GPD2: variants seen among roughly 807,000 people sequenced by gnomAD.
GPD2 encodes glycerol-3-phosphate dehydrogenase, mitochondrial.
GPD2 carries 54 observed loss-of-function variants against 82.4 expected under a neutral mutation model. The ratio of observed to expected loss-of-function variants is 0.66; its 90% CI spans 0.53 to 0.82. The LOEUF is 0.82. GPD2 is among the 40% of genes least tolerant of loss of function. GPD2 has a pLI of 0.00. For missense variants in GPD2, 748 were observed against 896.2 expected, an observed-to-expected ratio of 0.83 and a Z score of 2.11; for synonymous variants, 288 against 306.1, an observed-to-expected ratio of 0.94 and a Z score of 0.62.
chr2:156,511,494 AAC>A, intron 4 of GPD2, among the ~76,000 whole-genome samples: 1 of 152,328 alleles, frequency 6.6e-6, no homozygotes, highest in South Asian at 2.1e-4. Context: ...GTACATGAAA[AAC>A]ACAGTGGCAC....
At chr2:156,422,639 A>T in the GPD2 span, among the ~76,000 whole-genome samples, 1 of 152,020 alleles carries the variant, frequency 6.6e-6, no homozygotes, top group South Asian at 2.1e-4. Flanking sequence ...CTGAGGCAGG[A>T]GAATCCCACT....
At chr2:156,452,225 C>T (rs187617665) in intron 1 of GPD2, among the ~76,000 whole-genome samples, 2 of 152,318 alleles carry the variant, frequency 1.3e-5, no homozygotes, top group Admixed American at 6.5e-5. Flanking sequence ...GAGGTTGTAG[C>T]GAGCCGAGAT....
At chr2:156,502,862 A>AT (rs5835616) in intron 3 of GPD2, among the ~76,000 whole-genome samples, 103,392 of 151,506 alleles carry the variant, frequency 0.68, 35,442 homozygotes, top group Middle Eastern at 0.81. Flanking sequence ...ATCCATTTAC[A>AT]TTTTTTTTAT....
intron 4 of GPD2, 31 bp downstream of exon 4, chr2:156,510,951 A>C: frequency 6.2e-7 from 1 of 1,606,198 alleles, no homozygotes; most frequent in Non-Finnish European, 8.5e-7. Context: ...TTAAACAAAA[A>C]TTGCAACTGT....
intron 12 of GPD2, 98 bp from the exon 13 acceptor site, chr2:156,571,036 C>T: frequency 1.2e-6 from 1 of 865,232 alleles, no homozygotes; most frequent in Non-Finnish European, 2.0e-6. Context: ...AAAATATTAC[C>T]TTTGTGAAGC....
chr2:156,469,834 A>C (rs1297066838), intron 1 of GPD2, among the ~76,000 whole-genome samples: 1 of 152,230 alleles, frequency 6.6e-6, no homozygotes, highest in Non-Finnish European at 1.5e-5. Flanking sequence ...TAGAAAGGTA[A>C]TTGAGGTTTC....
chr2:156,553,856 T>G (rs1276697067), intron 8 of GPD2, among the ~76,000 whole-genome samples: 1 of 152,222 alleles, frequency 6.6e-6, no homozygotes, highest in Non-Finnish European at 1.5e-5. Flanking sequence ...AAATTCAGCA[T>G]TAGCTTTAGG....
intron 3 of GPD2, among the ~76,000 whole-genome samples, chr2:156,502,341 G>C (rs534558786): frequency 1.2e-3 from 181 of 152,258 alleles, no homozygotes; most frequent in African/African-American, 4.2e-3. Context: ...CATGGCAAAA[G>C]ATGTAAAAGC....
intron 9 of GPD2, among the ~76,000 whole-genome samples, chr2:156,566,857 C>T (rs1687411135): frequency 6.6e-6 from 1 of 152,028 alleles, no homozygotes; most frequent in African/African-American, 2.4e-5. Context: ...ACATCTTCAC[C>T]AGTATTTGTT....
chr2:156,430,844 A>G (rs149047268), upstream of GPD2, among the ~76,000 whole-genome samples: 32 of 152,362 alleles, frequency 2.1e-4, no homozygotes, highest in Non-Finnish European at 4.0e-4. Flanking sequence ...CATCACTGGA[A>G]AGTACCCACA....
intron 2 of GPD2, among the ~76,000 whole-genome samples, chr2:156,480,798 A>G (rs557149019): frequency 6.3e-4 from 89 of 142,132 alleles, no homozygotes; most frequent in African/African-American, 2.2e-3. Context: ...TTTTCCTGAG[A>G]TGGAGTTTCA....
chr2:156,523,344 A>T (rs1343075327), intron 6 of GPD2, among the ~76,000 whole-genome samples: 1 of 152,180 alleles, frequency 6.6e-6, no homozygotes, highest in Middle Eastern at 3.2e-3. Flanking sequence ...ATCCTACAGT[A>T]TGTCAGCTAC....
At chr2:156,563,729 G>T (rs1687259126) in intron 9 of GPD2, among the ~76,000 whole-genome samples, 1 of 152,136 alleles carries the variant, frequency 6.6e-6, no homozygotes, top group African/African-American at 2.4e-5. Context: ...CTCCGTTGGA[G>T]ATGTAGGCAA....
In GPD2 at chr2:156,490,609, C is replaced by T. The variant is rs566725596; in HGVS notation, c.103-5435C>T. The stretch of plus-strand genomic sequence containing the variant: ...GTCAGTCTACTTTTTAAATTTTTTT[C>T]TCAAATTATGTGTGGTGTCAGAGTG... On this transcript the variant is annotated intron_variant, in intron 2 of 16. Transcript: ENST00000438166. 2.0e-5 allele frequency among the ~76,000 whole-genome samples: 3 copies of T among 152,132 alleles called. No individual in the cohort carries two copies. The East Asian group carries it at 5.8e-4, about 29-fold the overall frequency.
At chr2:156,451,222 A>G (rs1372327664) in intron 1 of GPD2, among the ~76,000 whole-genome samples, 1 of 150,608 alleles carries the variant, frequency 6.6e-6, no homozygotes. Flanking sequence ...GGGGCTCCTC[A>G]CCTCCCAGTA....
In GPD2 at chr2:156,513,397, T is replaced by C. The variant is rs1359418305; in HGVS notation, c.562T>C (p.Cys188Arg). ...GTATGATTTGGTTGCAGGAAGCAAT[T>C]GCCTAAAAAGCAGTTATGTCCTCAG... ...KLYDLVAGSN[C>R]LKSSYVLSKS... Residue 188 changes from cysteine to arginine, a missense_variant, in exon 6 of 17, where the codon TGC becomes CGC. Cys to Arg is a radical substitution (Grantham distance 180). Coordinates refer to ENST00000438166, the MANE Select transcript of GPD2 (RefSeq NM_000408.5). The C allele has an allele frequency of 6.2e-7, 1 of 1,612,278 alleles. No homozygotes were observed. Among genetic ancestry groups the C allele is most frequent in the East Asian group, 2.2e-5 (1 of 44,878 alleles).
At chr2:156,506,168 AT>A (rs1170648289) in intron 3 of GPD2, among the ~76,000 whole-genome samples, 1 of 152,204 alleles carries the variant, frequency 6.6e-6, no homozygotes, top group Non-Finnish European at 1.5e-5. Flanking sequence ...ATTAAAGAAA[AT>A]TTTTAGAGTT....
At chr2:156,541,877 G>A (rs1187357016) in intron 6 of GPD2, among the ~76,000 whole-genome samples, 1 of 114,078 alleles carries the variant, frequency 8.8e-6, no homozygotes, top group Admixed American at 1.4e-4. Context: ...GGATTGTCCT[G>A]GGAAAGGCAC....
At chr2:156,400,828 C>G in the GPD2 span, among the ~76,000 whole-genome samples, 1 of 152,116 alleles carries the variant, frequency 6.6e-6, no homozygotes, top group Non-Finnish European at 1.5e-5. Flanking sequence ...GGGTTCAATC[C>G]CCGGCATCTC....
Sources: allele counts gnomAD v4.1 joint callset (sites outside exome capture counted in the v4.1 genomes callset), GRCh38; gene constraint gnomAD v4.1.1; transcripts MANE v1.5; gene names NCBI Gene and HGNC (gene_info 2026-07-23, HGNC 2026-07-21).